The following CACNG3 variants were observed in gnomAD, a reference collection of about 807,000 sequenced individuals.
CACNG3 encodes voltage-dependent calcium channel gamma-3 subunit.
A neutral mutation model predicts 28.5 loss-of-function variants in CACNG3; 3 were observed. That is an observed-to-expected ratio of 0.11 (90% CI 0.05 to 0.27). The LOEUF is 0.27. Among genes scored for constraint, CACNG3 ranks in the 10% least tolerant of loss-of-function variants. The pLI is 1.00. For synonymous variants in CACNG3, 174 were observed against 162.2 expected (o/e 1.07, Z -0.55); for missense variants, 236 against 414.4 (o/e 0.57, Z 3.74).
chr16:24,278,674 A>G (rs1357974247), intron 1 of CACNG3, among the ~76,000 whole-genome samples: 1 of 152,170 alleles, frequency 6.6e-6, no homozygotes, highest in African/African-American at 2.4e-5. Context: ...TTTATGTGCC[A>G]GCTTCTATGC....
chr16:24,337,006 G>A (rs1188700748), intron 1 of CACNG3, among the ~76,000 whole-genome samples: 1 of 151,924 alleles, frequency 6.6e-6, no homozygotes, highest in Non-Finnish European at 1.5e-5. Context: ...GTAGAGAGGG[G>A]TCTTGCCATG....
At chr16:24,346,638 C>T in intron 1 of CACNG3, 96 bp from the exon 2 acceptor site, 1 of 816,914 alleles carries the variant, frequency 1.2e-6, no homozygotes, top group South Asian at 1.5e-5. Flanking sequence ...CCCCCAACAA[C>T]CAGAGAAAGG....
intron 1 of CACNG3, among the ~76,000 whole-genome samples, chr16:24,264,098 G>A (rs1195303605): frequency 6.6e-6 from 1 of 152,252 alleles, no homozygotes; most frequent in Non-Finnish European, 1.5e-5. Context: ...TTGGATCTGG[G>A]AGTGGGCAGC....
At chr16:24,312,955 G>GAAAGAAAGAAAGAAAGAGAA (rs376780380) in intron 1 of CACNG3, among the ~76,000 whole-genome samples, 3,403 of 110,656 alleles carry the variant, frequency 0.031, 73 homozygotes, top group Middle Eastern at 0.073. Flanking sequence ...AAGAAAGAAA[G>GAAAGAAAGAAAGAAAGAGAA]AGAAAGAAAG....
Position 24,361,254 on chromosome 16 carries a change from C to A in CACNG3, c.437-98C>A. ...AGCTATAATCCATTCTCCTCTCTCCCCATTACCTCCACATTTTCTATAAAT... is the reference window on the plus strand; with the variant it reads ...AGCTATAATCCATTCTCCTCTCTCCACATTACCTCCACATTTTCTATAAAT... On this transcript the variant is annotated intron_variant, in intron 3 of 3. Transcript: ENST00000005284. This position sits in a 1 kb window ranked among gnomAD's most constrained non-coding sequence, Gnocchi z 6.8. 1.0e-6 allele frequency: 1 copy of A among 967,794 alleles called. No individual in the cohort carries two copies. Among genetic ancestry groups the A allele is most frequent in the Non-Finnish European group, 1.6e-6 (1 of 636,302 alleles). 60.0% of individuals were successfully genotyped at this position (967,794 alleles called of 1,614,324 possible).
At chr16:24,337,301 T>A (rs1289776675) in intron 1 of CACNG3, among the ~76,000 whole-genome samples, 2 of 152,044 alleles carry the variant, frequency 1.3e-5, no homozygotes, top group African/African-American at 2.4e-5. Context: ...AGCCGATTTC[T>A]CCCCCAGATT....
intron 1 of CACNG3, among the ~76,000 whole-genome samples, chr16:24,321,612 A>G (rs1013074733): frequency 2.6e-5 from 4 of 152,232 alleles, no homozygotes; most frequent in African/African-American, 4.8e-5. Flanking sequence ...AATACGCCAA[A>G]GAGAAGCTGT....
chr16:24,354,813 C>T lies in CACNG3; in HGVS notation c.296-20C>T. ...GGGCTGGCTGGGCACAGGCAGAAGC[C>T]TCTCTCCTTCTCTCCGCAGGAGCTG... On this transcript the variant is annotated intron_variant, in intron 2 of 3. Transcript: ENST00000005284. The T allele has an allele frequency of 6.2e-7, 1 of 1,609,704 alleles. No homozygotes were observed. Among genetic ancestry groups the T allele is most frequent in the Non-Finnish European group, 8.5e-7 (1 of 1,178,166 alleles).
chr16:24,329,591 C>G (rs1483992019), intron 1 of CACNG3, among the ~76,000 whole-genome samples: 4 of 152,190 alleles, frequency 2.6e-5, no homozygotes, highest in Non-Finnish European at 4.4e-5. Context: ...TGAGACGTCA[C>G]TCTTTGTTTT....
intron 1 of CACNG3, among the ~76,000 whole-genome samples, chr16:24,312,978 G>T (rs563854917): frequency 1.9e-4 from 27 of 139,442 alleles, no homozygotes; most frequent in Middle Eastern, 3.9e-3. Flanking sequence ...AAGAAAGAAA[G>T]AAATAAAAGA....
intron 2 of CACNG3, among the ~76,000 whole-genome samples, chr16:24,352,575 A>G (rs1015451402): frequency 2.0e-5 from 3 of 151,812 alleles, no homozygotes; most frequent in Admixed American, 6.6e-5. Context: ...GTCTCACTCT[A>G]TTGCCCAGGC....
chr16:24,336,750 C>A (rs1246000492), intron 1 of CACNG3, among the ~76,000 whole-genome samples: 1 of 151,718 alleles, frequency 6.6e-6, no homozygotes, highest in Non-Finnish European at 1.5e-5. Flanking sequence ...TAATTATGTC[C>A]CAGCAGGCCC....
intron 1 of CACNG3, among the ~76,000 whole-genome samples, chr16:24,345,315 T>G (rs760355087): frequency 6.6e-5 from 10 of 152,074 alleles, no homozygotes; most frequent in Non-Finnish European, 1.5e-4. Flanking sequence ...TCTGGAAAAT[T>G]TTTTGTCCTT....
intron 1 of CACNG3, among the ~76,000 whole-genome samples, chr16:24,306,869 A>C (rs1222978261): frequency 1.3e-5 from 2 of 152,100 alleles, no homozygotes; most frequent in Non-Finnish European, 2.9e-5. Flanking sequence ...CAGTCTCTCA[A>C]CTAGTAAGAG....
intron 1 of CACNG3, among the ~76,000 whole-genome samples, chr16:24,309,730 G>A (rs1244384746): frequency 6.6e-6 from 1 of 152,132 alleles, no homozygotes; most frequent in Non-Finnish European, 1.5e-5. Context: ...CGGCAGAGAG[G>A]GCCTCTCTGA....
At chr16:24,327,457 C>T (rs62030065) in intron 1 of CACNG3, among the ~76,000 whole-genome samples, 196 of 111,670 alleles carry the variant, frequency 1.8e-3, no homozygotes, top group African/African-American at 3.1e-3. Context: ...TATATATATA[C>T]ACACACACAC....
chr16:24,308,499 C>T (rs1352457074), intron 1 of CACNG3, among the ~76,000 whole-genome samples: 1 of 152,144 alleles, frequency 6.6e-6, no homozygotes, highest in Admixed American at 6.5e-5. Context: ...ACAGTATTTA[C>T]CTGCTTCTAT....
At chr16:24,346,875 C>A in intron 2 of CACNG3, 58 bp downstream of exon 2, 3 of 1,335,758 alleles carry the variant, frequency 2.2e-6, no homozygotes, top group Non-Finnish European at 3.2e-6. Flanking sequence ...TCTGCCATCA[C>A]TCAGCTGCCT....
intron 2 of CACNG3, among the ~76,000 whole-genome samples, chr16:24,347,377 A>AGAAGGGAG (rs1244185543): frequency 2.0e-5 from 3 of 151,918 alleles, no homozygotes; most frequent in African/African-American, 7.2e-5. Context: ...AAAGAGAAAG[A>AGAAGGGAG]GAAGGGAGGA....
Sources: allele counts gnomAD v4.1 joint callset (sites outside exome capture counted in the v4.1 genomes callset), GRCh38; gene constraint gnomAD v4.1.1; non-coding constraint Gnocchi (gnomAD v3.1); transcripts MANE v1.5; gene names NCBI Gene and HGNC (gene_info 2026-07-23, HGNC 2026-07-21).